Variants in USP54 observed in about 807,000 individuals in gnomAD.
USP54 encodes the protein ubiquitin carboxyl-terminal hydrolase 54.
USP54 carries 87 observed loss-of-function variants against 170.5 expected under a neutral mutation model. That is an observed-to-expected ratio of 0.51 (90% CI 0.43 to 0.61). The LOEUF (loss-of-function observed/expected upper bound fraction) is 0.61, where lower values mean the gene tolerates loss of function less well. Ranked by LOEUF, USP54 falls within the 20% of genes least tolerant of loss-of-function variation. USP54 has a pLI of 0.00. For synonymous variants in USP54, 655 were observed against 742.8 expected, an observed-to-expected ratio of 0.88 and a Z score of 1.92; for missense variants, 1,786 against 2,047.8, an observed-to-expected ratio of 0.87 and a Z score of 2.47.
chr10:73,530,268 G>A lies in USP54; in HGVS notation c.1703C>T (p.Ser568Phe). 6.2e-7 allele frequency: 1 copy of A among 1,614,186 alleles called. No individual in the cohort carries two copies. The highest frequency in any genetic ancestry group is 8.5e-7 in the Non-Finnish European group (1 of 1,180,036). Residue 568 changes from serine (S) to phenylalanine (F), a missense_variant, in exon 14 of 24, where the codon TCT (serine) becomes TTT (phenylalanine). This residue lies in a region of USP54 where 1,418 missense variants were observed against 1,569.0 expected (regional missense o/e 0.90). Coordinates refer to ENST00000687698, the MANE Select transcript of USP54 (RefSeq NM_001391956.1). ...CCATGTGGGACGATACTTGCTGGAA[G>A]AACTGGATTTTGACTCACTGCTGGT... ...ESTSSESKSS[S>F]SSKYRPTWRP...
intron 4 of USP54, among the ~76,000 whole-genome samples, chr10:73,551,840 A>G (rs1387633260): frequency 5.9e-5 from 9 of 152,248 alleles, no homozygotes; most frequent in Admixed American, 5.9e-4. Flanking sequence ...TGAAATTTAT[A>G]AACTCTGGCC....
At chr10:73,592,979 C>A (rs989196324), upstream of USP54, among the ~76,000 whole-genome samples, 1 of 152,224 alleles carries the variant, frequency 6.6e-6, no homozygotes, top group Non-Finnish European at 1.5e-5. Context: ...AGAAAGAGAA[C>A]CCTGTATCAA....
chr10:73,534,464 G>T, intron 12 of USP54, 136 bp downstream of exon 12: 1 of 910,372 alleles, frequency 1.1e-6, no homozygotes, highest in Non-Finnish European at 1.6e-6. Flanking sequence ...CACCCACCTT[G>T]GCCGCCCGCC....
chr10:73,615,726 G>A (rs973832301), intron 1 of USP54, among the ~76,000 whole-genome samples: 1 of 149,936 alleles, frequency 6.7e-6, no homozygotes, highest in Non-Finnish European at 1.5e-5. Flanking sequence ...TTCTAGAATA[G>A]CCTGGGCAAC....
At position 73,557,168 on chromosome 10, in the gene USP54, CA is replaced by C. The variant is rs909114198; in HGVS notation, c.241-11497del. ...CAAAGTCAAGTCATACCCTGGGGGC[CA>C]GGGGTGTAAGAGTAGATTCATTGTG... On this transcript the variant is annotated intron_variant, in intron 4 of 23. Coordinates refer to ENST00000687698, the MANE Select transcript of USP54 (RefSeq NM_001391956.1). Among the ~76,000 whole-genome samples the C allele has an allele frequency of 1.8e-4, 28 of 152,182 alleles. 1 individual carries two copies. The highest frequency in any genetic ancestry group is 1.1e-3 in the Admixed American group (17 of 15,278).
At chr10:73,577,932 C>A (rs910703524) in intron 1 of USP54, among the ~76,000 whole-genome samples, 3 of 152,322 alleles carry the variant, frequency 2.0e-5, no homozygotes, top group African/African-American at 7.2e-5. Context: ...ATGCAGCATT[C>A]CTTCAGCTCA....
At chr10:73,594,074 ACT>A (rs376996181), upstream of USP54, among the ~76,000 whole-genome samples, 10 of 149,084 alleles carry the variant, frequency 6.7e-5, no homozygotes, top group African/African-American at 9.9e-5. Flanking sequence ...AAAATAAAAG[ACT>A]CTTTTTTTTT....
chr10:73,577,527 ATAG>A (rs2076283740), intron 1 of USP54, among the ~76,000 whole-genome samples: 1 of 152,142 alleles, frequency 6.6e-6, no homozygotes, highest in Admixed American at 6.6e-5. Context: ...ATGAAATGAA[ATAG>A]TAGCTACAGT....
chr10:73,560,499 C>CA (rs1261424584), intron 4 of USP54, among the ~76,000 whole-genome samples: 3,186 of 123,938 alleles, frequency 0.026, 112 homozygotes, highest in African/African-American at 0.083. Context: ...ACTAAAAATA[C>CA]AAAAAAAAAA....
chr10:73,534,701 G>T lies in USP54; in HGVS notation c.1214C>A (p.Ser405Tyr). ...SSTESYPYKH[S>Y]HHESVVSHFS... is the part of the protein sequence containing the mutation. ...GTGACTGACCACAGACTCATGGTGGGAATGTTTGTAGGGATAGCTCTCCGT... is the reference window on the plus strand; with the variant it reads ...GTGACTGACCACAGACTCATGGTGGTAATGTTTGTAGGGATAGCTCTCCGT... The change falls in exon 12 of 24, where the codon TCC becomes TAC. Residue 405 changes from serine to tyrosine, a missense_variant. Around this residue, in one of 3 missense-constraint regions of USP54, gnomAD observed 1,418 missense variants for 1,569.0 expected, o/e 0.90. Transcript: ENST00000687698. 1.2e-6 allele frequency: 2 copies of T among 1,614,176 alleles called. No homozygotes were observed. The highest frequency in any genetic ancestry group is 1.7e-6 in the Non-Finnish European group (2 of 1,180,010).
intron 1 of USP54, among the ~76,000 whole-genome samples, chr10:73,579,465 C>T (rs972429372): frequency 6.6e-6 from 1 of 151,926 alleles, no homozygotes. Flanking sequence ...GAAAAACTAT[C>T]CAATTTTGGC....
chr10:73,563,170 G>T (rs1478863202), intron 4 of USP54, among the ~76,000 whole-genome samples: 1 of 152,028 alleles, frequency 6.6e-6, no homozygotes, highest in African/African-American at 2.4e-5. Context: ...GTCCATGGTG[G>T]TCTCAAACTC....
rs1339989041 is a variant in USP54, at chr10:73,504,974, C to A, written c.4187G>T (p.Gly1396Val). 1.2e-6 allele frequency: 2 copies of A among 1,614,042 alleles called. No individual in the cohort carries two copies. ...VRTSQATPCR[G>V]LSRECGEDEQ... ...ATCCTCCCCACACTCCCTGCTGAGG[C>A]CTCGGCAAGGTGTAGCCTTCAAACA... Residue 1396 changes from glycine to valine, a missense_variant, in exon 22 of 24, where the codon GGC becomes GTC. Around this residue, in one of 3 missense-constraint regions of USP54, gnomAD observed 1,418 missense variants for 1,569.0 expected, o/e 0.90. Coordinates refer to ENST00000687698, the MANE Select transcript of USP54 (RefSeq NM_001391956.1).
At position 73,611,983 on chromosome 10, in the gene USP54, C is replaced by T. The variant is rs915876358; in HGVS notation, c.-18+13584G>A. Among the ~76,000 whole-genome samples, 4 of 151,662 alleles carry T rather than the reference C, an allele frequency of 2.6e-5. No homozygotes were observed. In the East Asian group the frequency reaches 5.8e-4, roughly 22 times the overall value. Reference sequence around the variant, plus strand: ...AAAACTAGCCAGGCACGGTGGTATGCCCCTATAGTCCCAGCTACTCGGGAG... The same window carrying T: ...AAAACTAGCCAGGCACGGTGGTATGTCCCTATAGTCCCAGCTACTCGGGAG... On this transcript the variant is annotated intron_variant, in intron 1 of 22. Transcript: ENST00000339859.
intron 4 of USP54, among the ~76,000 whole-genome samples, chr10:73,570,342 T>G (rs1036431119): frequency 6.6e-6 from 1 of 151,992 alleles, no homozygotes; most frequent in Admixed American, 6.6e-5. Flanking sequence ...CCATTTTCTT[T>G]GCTCTAAAGA....
intron 4 of USP54, among the ~76,000 whole-genome samples, chr10:73,560,499 C>CAA (rs1261424584): frequency 4.0e-5 from 5 of 123,998 alleles, no homozygotes; most frequent in African/African-American, 1.5e-4. Context: ...ACTAAAAATA[C>CAA]AAAAAAAAAA....
chr10:73,592,346 T>G (rs1172010513), upstream of USP54, among the ~76,000 whole-genome samples: 1 of 152,084 alleles, frequency 6.6e-6, no homozygotes, highest in Non-Finnish European at 1.5e-5. Flanking sequence ...AAAAAAAAGA[T>G]GTAATTAAGA....
Position 73,545,526 on chromosome 10 carries a change from G to C in USP54, c.375+12C>G. 2 of 1,613,878 alleles carry C rather than the reference G, an allele frequency of 1.2e-6. No individual in the cohort carries two copies. Among genetic ancestry groups the C allele is most frequent in the Non-Finnish European group, 1.7e-6 (2 of 1,179,818 alleles). On this transcript the variant is annotated intron_variant, in intron 5 of 23. Transcript: ENST00000687698. ...CACCCCATATCAAAGAGGGCCAGAG[G>C]CCAGCACTTACAAAGCACTCTGCAG...
chr10:73,608,765 C>T (rs1360416208), intron 1 of USP54, among the ~76,000 whole-genome samples: 3 of 152,062 alleles, frequency 2.0e-5, no homozygotes, highest in African/African-American at 7.2e-5. Flanking sequence ...GGCATGCTAG[C>T]GCGTGTCTGT....
Sources: gnomAD v4.1 joint callset for allele counts (sites outside exome capture counted in the v4.1 genomes callset) on GRCh38, gnomAD v4.1.1 for gene constraint, gnomAD v4.1.1 regional missense constraint, MANE v1.5 for transcripts, NCBI Gene and HGNC (gene_info 2026-07-23, HGNC 2026-07-21) for gene names.